The following CXADR variants were observed in gnomAD, a reference collection of about 807,000 sequenced individuals.
CXADR encodes coxsackievirus and adenovirus receptor.
Under a neutral mutation model 40.3 loss-of-function variants are expected in CXADR, and 20 were observed. The observed-to-expected ratio is 0.50, with a 90% CI of 0.35 to 0.72. The LOEUF (loss-of-function observed/expected upper bound fraction) is 0.72, where lower values mean the gene tolerates loss of function less well. CXADR is among the 30% of genes least tolerant of loss of function. The probability of loss-of-function intolerance (pLI) is 0.01; values close to 1 mark genes in which losing one functional copy is unlikely to be tolerated. For missense variants in CXADR, 332 were observed against 449.1 expected (o/e 0.74, Z 2.36); for synonymous variants, 150 against 161.3 (o/e 0.93, Z 0.53).
In CXADR at chr21:17,566,005, A is replaced by G; in HGVS notation, c.*313A>G. ...TTTGAATATGAAATCATAGGTGAAG[A>G]CATGGGTGAACTTACTTGCATACCA... On this transcript the variant is annotated 3_prime_UTR_variant, in exon 7 of 7. Transcript: ENST00000284878. 9.8e-7 allele frequency: 1 copy of G among 1,019,664 alleles called. No individual in the cohort carries two copies. The highest frequency in any genetic ancestry group is 1.2e-6 in the Non-Finnish European group (1 of 852,462). The allele number at this position is 1,019,664 out of a possible 1,614,324, so 63.2% of individuals were successfully genotyped here.
At position 17,513,179 on chromosome 21, in the gene CXADR, AG is replaced by A; in HGVS notation, c.43+11del. On this transcript the variant is annotated splice_region_variant and intron_variant, in intron 1 of 6. Coordinates refer to ENST00000284878, the MANE Select transcript of CXADR (RefSeq NM_001338.5). ...CTCCTGTGCGGAGTAGTGGGTGAGT[AG>A]GGGCCATGGGGTCCTCAGCACCCGC... 2 of 1,364,776 alleles carry A rather than the reference AG, an allele frequency of 1.5e-6. No individual in the cohort carries two copies. Among genetic ancestry groups the A allele is most frequent in the Non-Finnish European group, 1.9e-6 (2 of 1,055,782 alleles). The allele number at this position is 1,364,776 out of a possible 1,614,324, so 84.5% of individuals were successfully genotyped here.
chr21:17,525,758 C>T (rs960823388), intron 1 of CXADR, among the ~76,000 whole-genome samples: 1 of 152,160 alleles, frequency 6.6e-6, no homozygotes, highest in African/African-American at 2.4e-5. Flanking sequence ...GCACACGCAT[C>T]TCATTTAGAG....
the CXADR span, chr21:17,612,971 AGGGTTGGCGCGCGC>A: frequency 2.6e-5 from 4 of 151,754 alleles, no homozygotes; most frequent in African/African-American, 4.8e-5. Flanking sequence ...GACCCGGGAA[AGGGTTGGCGCGCGC>A]GGGATCGGCT....
At chr21:17,589,124 T>G (rs550376784) in intron 7 of CXADR, among the ~76,000 whole-genome samples, 2 of 152,156 alleles carry the variant, frequency 1.3e-5, no homozygotes, top group South Asian at 2.1e-4. Context: ...AATACTATAT[T>G]TAACATTTTT....
At chr21:17,542,406 G>A (rs2060841515) in intron 1 of CXADR, among the ~76,000 whole-genome samples, 1 of 152,156 alleles carries the variant, frequency 6.6e-6, no homozygotes, top group Admixed American at 6.6e-5. Flanking sequence ...AGTGGAACCA[G>A]ATCTTCTAAG....
At chr21:17,544,750 G>T (rs901780108) in intron 1 of CXADR, among the ~76,000 whole-genome samples, 1 of 152,176 alleles carries the variant, frequency 6.6e-6, no homozygotes, top group Non-Finnish European at 1.5e-5. Context: ...CAGATAATTT[G>T]AATCCCAATT....
intron 1 of CXADR, among the ~76,000 whole-genome samples, chr21:17,520,293 A>G (rs1164404706): frequency 6.6e-6 from 1 of 152,202 alleles, no homozygotes; most frequent in Non-Finnish European, 1.5e-5. Flanking sequence ...AAAGACATAG[A>G]GATCTGAAGG....
intron 7 of CXADR, among the ~76,000 whole-genome samples, chr21:17,590,624 C>T (rs977937867): frequency 2.6e-5 from 4 of 151,900 alleles, no homozygotes; most frequent in African/African-American, 9.7e-5. Context: ...GTTGTGTTTC[C>T]GTAAGAGCCT....
At chr21:17,530,114 A>ATTTTTTTTTT (rs56341807) in intron 1 of CXADR, among the ~76,000 whole-genome samples, 21 of 94,956 alleles carry the variant, frequency 2.2e-4, no homozygotes, top group Non-Finnish European at 2.7e-4. Flanking sequence ...ATGCCAGGCT[A>ATTTTTTTTTT]TTTTTTTTTT....
rs1346884784 is a variant in CXADR, at chr21:17,569,802, A to G, written c.*4110A>G. 3.0e-6 allele frequency: 3 copies of G among 985,274 alleles called. No homozygotes were observed. The highest frequency in any genetic ancestry group is 1.7e-5 in the African/African-American group (1 of 57,246). The allele number at this position is 985,274 out of a possible 1,614,324, so 61.0% of individuals were successfully genotyped here. On this transcript the variant is annotated 3_prime_UTR_variant, in exon 7 of 7. Transcript: ENST00000284878. ...AAAACAGAACTTTGTGTTTTCTGCT[A>G]ACTTATTTAATGACACAAGTTTTAA...
At chr21:17,581,095 A>G (rs886464107) in intron 7 of CXADR, among the ~76,000 whole-genome samples, 1 of 152,100 alleles carries the variant, frequency 6.6e-6, no homozygotes, top group Non-Finnish European at 1.5e-5. Context: ...GTCATTCTGT[A>G]TTTCCCTTTG....
chr21:17,606,604 AC>A, the CXADR span, among the ~76,000 whole-genome samples: 1,001 of 152,258 alleles, frequency 6.6e-3, 12 homozygotes, highest in African/African-American at 0.022. Flanking sequence ...CTCTAAGCTT[AC>A]AAATTATATA....
chr21:17,563,940 CAAAAAAAA>C (rs35020228), intron 6 of CXADR, among the ~76,000 whole-genome samples: 2 of 37,222 alleles, frequency 5.4e-5, no homozygotes, highest in East Asian at 1.8e-3. Flanking sequence ...GACTCTGTCT[CAAAAAAAA>C]AAAAAAAAAA....
chr21:17,569,671 C>T lies in CXADR; in HGVS notation c.*3979C>T. 1.0e-6 allele frequency: 1 copy of T among 969,366 alleles called. No individual in the cohort carries two copies. Among genetic ancestry groups the T allele is most frequent in the Non-Finnish European group, 1.2e-6 (1 of 815,586 alleles). The allele number at this position is 969,366 out of a possible 1,614,324, so 60.0% of individuals were successfully genotyped here. On this transcript the variant is annotated 3_prime_UTR_variant, in exon 7 of 7. Coordinates refer to ENST00000284878, the MANE Select transcript of CXADR (RefSeq NM_001338.5). ...ATCTTATAGCAGATAACCCCAGCCT[C>T]TTATTCATTATGGTTAACTTTTATA...
At chr21:17,553,352 T>C (rs2123276241) in intron 3 of CXADR, among the ~76,000 whole-genome samples, 1 of 152,322 alleles carries the variant, frequency 6.6e-6, no homozygotes, top group South Asian at 2.1e-4. Context: ...AATTCATGCA[T>C]TGTCTTGGTA....
chr21:17,570,654 C>G (rs2061270617), downstream of CXADR, among the ~76,000 whole-genome samples: 1 of 152,172 alleles, frequency 6.6e-6, no homozygotes, highest in Admixed American at 6.5e-5. Context: ...TGAGTGCTAT[C>G]ACGTTGAGTA....
chr21:17,565,892 A>G lies in CXADR; in HGVS notation c.*200A>G. 1 of 1,247,658 alleles carries G rather than the reference A, an allele frequency of 8.0e-7. No individual in the cohort carries two copies. 77.3% of individuals were successfully genotyped at this position (1,247,658 alleles called of 1,614,324 possible). ...ACAGGCACTAAAGTTAGTAAAGAAA[A>G]GTTTACCATCTGAAAAAGCTGGATT... On this transcript the variant is annotated 3_prime_UTR_variant, in exon 7 of 7. Coordinates refer to ENST00000284878, the MANE Select transcript of CXADR (RefSeq NM_001338.5).
chr21:17,608,903 T>C, the CXADR span: 2 of 1,476,958 alleles, frequency 1.4e-6, no homozygotes, highest in East Asian at 2.3e-5. Context: ...TGCACACCCT[T>C]CAATCATCCG....
At chr21:17,608,156 A>T in the CXADR span, among the ~76,000 whole-genome samples, 5 of 152,192 alleles carry the variant, frequency 3.3e-5, no homozygotes, top group Admixed American at 3.3e-4. Context: ...GCGTGAGGCC[A>T]GGAGTTTGAA....
Sources: allele counts gnomAD v4.1 joint callset (sites outside exome capture counted in the v4.1 genomes callset), GRCh38; gene constraint gnomAD v4.1.1; transcripts MANE v1.5; gene names NCBI Gene and HGNC (gene_info 2026-07-23, HGNC 2026-07-21).